Variants in MIA3 observed in about 807,000 individuals in gnomAD.
The protein encoded by MIA3 is transport and Golgi organization protein 1 homolog.
Under a neutral mutation model 192.4 loss-of-function variants are expected in MIA3, and 90 were observed. The observed-to-expected ratio is 0.47, with a 90% CI of 0.39 to 0.56. The LOEUF (loss-of-function observed/expected upper bound fraction) is 0.56, where lower values mean the gene tolerates loss of function less well. Among genes scored for constraint, MIA3 ranks in the 20% least tolerant of loss-of-function variants. The pLI is 0.00. For synonymous variants in MIA3, 740 were observed against 792.8 expected, an observed-to-expected ratio of 0.93 and a Z score of 1.12; for missense variants, 2,123 against 2,269.4, an observed-to-expected ratio of 0.94 and a Z score of 1.31.
intron 6 of MIA3, among the ~76,000 whole-genome samples, chr1:222,633,612 C>T (rs1662501839): frequency 6.6e-6 from 1 of 151,992 alleles, no homozygotes; most frequent in East Asian, 1.9e-4. Flanking sequence ...ATTGGTTCAT[C>T]GTGGAGGGAG....
intron 6 of MIA3, among the ~76,000 whole-genome samples, chr1:222,639,270 C>T (rs1325186854): frequency 1.3e-5 from 2 of 152,070 alleles, no homozygotes; most frequent in African/African-American, 4.8e-5. Flanking sequence ...CAAAGAAAAC[C>T]CAGATGGCTT....
intron 6 of MIA3, among the ~76,000 whole-genome samples, chr1:222,638,696 C>T (rs1378023343): frequency 6.8e-6 from 1 of 147,796 alleles, no homozygotes; most frequent in African/African-American, 2.5e-5. Flanking sequence ...GACCTTGTCT[C>T]AAGAAAAGAA....
In MIA3 at chr1:222,659,744, G is replaced by A. The variant is rs773833971; in HGVS notation, c.4817G>A (p.Arg1606His). The A allele has an allele frequency of 1.9e-5, 30 of 1,613,894 alleles. No homozygotes were observed. The highest frequency in any genetic ancestry group is 1.5e-4 in the African/African-American group (11 of 74,888). Residue 1606 changes from arginine to histidine, a missense_variant, in exon 22 of 28, where the codon CGT (arginine) becomes CAT (histidine). Physicochemically the swap from Arg to His is conservative, Grantham distance 29. Around this residue, in one of 3 missense-constraint regions of MIA3, gnomAD observed 762 missense variants for 856.4 expected, o/e 0.89. Coordinates refer to ENST00000344922, the MANE Select transcript of MIA3 (RefSeq NM_198551.4). ...ATTTTTCTTCAATAGCTCAAAGCTC[G>A]TGCTGCAGAAAGAGCTATAGCTGAA... Reference protein sequence around the residue: ...KKAHENWLKARAAERAIAEEK... With the variant: ...KKAHENWLKAHAAERAIAEEK...
rs562229765 is a variant in MIA3, at chr1:222,625,252, G to A, written c.354+398G>A. Among the ~76,000 whole-genome samples the A allele has an allele frequency of 4.6e-5, 7 of 152,304 alleles. No homozygotes were observed. The South Asian group carries it at 8.3e-4, about 18-fold the overall frequency. ...GATCTCCTGACCTCATGATCCGCCC[G>A]CCTCAGCCTCCCAAAGTGCTGGGAT... On this transcript the variant is annotated intron_variant, in intron 3 of 27. Transcript: ENST00000344922.
In MIA3 at chr1:222,628,988, G is replaced by T; in HGVS notation, c.1768G>T (p.Ala590Ser). 6.2e-7 allele frequency: 1 copy of T among 1,614,192 alleles called. No individual in the cohort carries two copies. Among genetic ancestry groups the T allele is most frequent in the Non-Finnish European group, 8.5e-7 (1 of 1,180,028 alleles). The change falls in exon 4 of 28, where the codon GCA becomes TCA. Residue 590 changes from alanine to serine, a missense_variant. Physicochemically the swap from Ala to Ser is moderately conservative, Grantham distance 99 (BLOSUM62 1). Transcript: ENST00000344922. Reference sequence around the variant, plus strand: ...ACTCATGGGAGATGACCACCCTAACGCATCCAGAGACAGTGTGGAGGGAGA... The same window carrying T: ...ACTCATGGGAGATGACCACCCTAACTCATCCAGAGACAGTGTGGAGGGAGA... ...APLMGDDHPN[A>S]SRDSVEGDAL...
rs1175245515 is a variant in MIA3 at position 222,629,642 on chromosome 1, A to C, written c.2422A>C (p.Thr808Pro). 3.0e-5 allele frequency: 48 copies of C among 1,614,054 alleles called. No homozygotes were observed. Among genetic ancestry groups the C allele is most frequent in the Non-Finnish European group, 4.0e-5 (47 of 1,180,030 alleles). Residue 808 changes from threonine to proline, a missense_variant, in exon 4 of 28, where the codon ACA becomes CCA. By Grantham distance (38) the Thr-to-Pro change is conservative. Coordinates refer to ENST00000344922, the MANE Select transcript of MIA3 (RefSeq NM_198551.4). The stretch of plus-strand genomic sequence containing the variant: ...CAACACAGGAGGCAGGGAACCAAAT[A>C]CAATGGTGGAAAAAGAACGCCCTCT... ...GVNTGGREPNTMVEKERPLAD... is the reference protein window; with the variant it reads ...GVNTGGREPNPMVEKERPLAD...
At chr1:222,662,571 C>T (rs578076608) in intron 26 of MIA3, 21 of 1,076,118 alleles carry the variant, frequency 2.0e-5, no homozygotes, top group Middle Eastern at 3.6e-4. Flanking sequence ...CTATAAGTTG[C>T]ATGGCAATAT....
rs947516671 is a variant in MIA3 at position 222,628,791 on chromosome 1, C to T, written c.1571C>T (p.Thr524Ile). Residue 524 changes from threonine to isoleucine, a missense_variant, in exon 4 of 28, where the codon ACA becomes ATA. Coordinates refer to ENST00000344922, the MANE Select transcript of MIA3 (RefSeq NM_198551.4). ...KDTLKSAYDD[T>I]ENDLKGAAIH... is the part of the protein sequence containing the mutation. ...ACATTAAAATCAGCTTATGATGATA[C>T]AGAAAATGACCTAAAAGGAGCAGCT... The T allele has an allele frequency of 2.5e-6, 4 of 1,613,948 alleles. No individual in the cohort carries two copies. The African/African-American group carries it at 5.3e-5, about 22-fold the overall frequency.
chr1:222,653,430 A>C (rs1663548175), intron 15 of MIA3, 91 bp downstream of exon 15: 1 of 783,110 alleles, frequency 1.3e-6, no homozygotes, highest in Non-Finnish European at 2.1e-6. Context: ...ATTTCCTCTT[A>C]AGCTTTCGAG....
chr1:222,628,429 A>G lies in MIA3; in HGVS notation c.1209A>G (p.Leu403=), dbSNP rs753178502. Residue 403 remains leucine (L), a synonymous_variant, in exon 4 of 28, where the codon TTA becomes TTG. Coordinates refer to ENST00000344922, the MANE Select transcript of MIA3 (RefSeq NM_198551.4). ...AAGAAACAAGAGATACGATGGATTT[A>G]GAGAGCTCTAGTTCAGAGGAAGAAA... The part of the protein sequence containing the change: ...GGEETRDTMD[L]ESSSSEEEKE... The G allele has an allele frequency of 1.2e-6, 2 of 1,613,798 alleles. No individual in the cohort carries two copies. Among genetic ancestry groups the G allele is most frequent in the South Asian group, 1.1e-5 (1 of 90,974 alleles).
Position 222,665,558 on chromosome 1 carries a change from C to G in MIA3, c.5663C>G (p.Pro1888Arg), listed in dbSNP as rs1294568901. The G allele has an allele frequency of 6.2e-7, 1 of 1,614,090 alleles. No individual in the cohort carries two copies. The highest frequency in any genetic ancestry group is 2.2e-5 in the East Asian group (1 of 44,882). Reference sequence around the variant, plus strand: ...CTGCCGTCAGGCTCTAGAGATGAGCCTCCACCTGCCTCTCAGAGCACTAGC... The same window carrying G: ...CTGCCGTCAGGCTCTAGAGATGAGCGTCCACCTGCCTCTCAGAGCACTAGC... ...DLLPSGSRDE[P>R]PPASQSTSQD... is the part of the protein sequence containing the mutation. The change falls in exon 28 of 28, where the codon CCT (proline) becomes CGT (arginine). Residue 1888 changes from proline to arginine, a missense_variant. By Grantham distance (103) the Pro-to-Arg change is moderately radical. Coordinates refer to ENST00000344922, the MANE Select transcript of MIA3 (RefSeq NM_198551.4).
Position 222,644,655 on chromosome 1 carries a change from G to A in MIA3, c.3478-899G>A. The A allele has an allele frequency of 6.1e-6, 9 of 1,485,156 alleles. No homozygotes were observed. The Admixed American group carries it at 1.6e-4, about 26-fold the overall frequency. The allele number at this position is 1,485,156 out of a possible 1,614,324, so 92.0% of individuals were successfully genotyped here. ...CGGGTGGATGAGTTCTAAGCAGAGTGGGTGCACTGATTGTCTGTGCAAAGG... is the reference window on the plus strand; with the variant it reads ...CGGGTGGATGAGTTCTAAGCAGAGTAGGTGCACTGATTGTCTGTGCAAAGG... On this transcript the variant is annotated intron_variant, in intron 6 of 27. Transcript: ENST00000344922.
intron 18 of MIA3, 139 bp from the exon 19 acceptor site, chr1:222,658,583 G>A: frequency 1.6e-6 from 1 of 611,724 alleles, no homozygotes; most frequent in Admixed American, 3.1e-5. Context: ...CTAAAGGACA[G>A]TTTTATTTCC....
intron 6 of MIA3, among the ~76,000 whole-genome samples, chr1:222,635,531 G>GT (rs1558181233): frequency 1.3e-5 from 2 of 152,166 alleles, no homozygotes; most frequent in Non-Finnish European, 2.9e-5. Flanking sequence ...GGTATAAAGT[G>GT]TAATTCTGAC....
At position 222,629,800 on chromosome 1, in the gene MIA3, A is replaced by T. The variant is rs1292287756; in HGVS notation, c.2580A>T (p.Glu860Asp). 5 of 1,613,986 alleles carry T rather than the reference A, an allele frequency of 3.1e-6. No individual in the cohort carries two copies. The South Asian group carries it at 4.4e-5, about 14-fold the overall frequency. The change falls in exon 4 of 28, where the codon GAA becomes GAT. Residue 860 changes from glutamate (E) to aspartate (D), a missense_variant. Coordinates refer to ENST00000344922, the MANE Select transcript of MIA3 (RefSeq NM_198551.4). The stretch of plus-strand genomic sequence containing the variant: ...ATCTGAAGAACGACAACCCTGAGGA[A>T]CATCTGAAGACCTCAGGGCTTGCAG... Reference protein sequence around the residue: ...SDYLKNDNPEEHLKTSGLAGE... With the variant: ...SDYLKNDNPEDHLKTSGLAGE...
chr1:222,665,296 T>C lies in MIA3; in HGVS notation c.5414-13T>C. 6.4e-7 allele frequency: 1 copy of C among 1,565,568 alleles called. No homozygotes were observed. Among genetic ancestry groups the C allele is most frequent in the Non-Finnish European group, 8.6e-7 (1 of 1,157,278 alleles). On this transcript the variant is annotated splice_polypyrimidine_tract_variant and intron_variant, in intron 27 of 27. Transcript: ENST00000344922. ...TTCCTAGGAATTTACTGGAAATAAT[T>C]TTTGTTTTCCAGGCCCTGGTATGCG... is the stretch of plus-strand genomic sequence containing the variant.
In MIA3 at chr1:222,666,577, G is replaced by A. The variant is rs1664297725; in HGVS notation, c.*958G>A. ...CCCATTCCTTGCCACTGATTTTTGA[G>A]GAATATAATAAAAAGATTGGAAGAG... On this transcript the variant is annotated 3_prime_UTR_variant, in exon 28 of 28. Transcript: ENST00000344922. 6.7e-6 allele frequency: 1 copy of A among 149,122 alleles called. No individual in the cohort carries two copies. The highest frequency in any genetic ancestry group is 6.8e-5 in the Admixed American group (1 of 14,628). 9.2% of individuals were successfully genotyped at this position (149,122 alleles called of 1,614,324 possible).
intron 3 of MIA3, among the ~76,000 whole-genome samples, chr1:222,626,819 A>G (rs1662141259): frequency 6.6e-6 from 1 of 152,218 alleles, no homozygotes; most frequent in African/African-American, 2.4e-5. Context: ...GTCCAAGGAA[A>G]ATATGAGCCC....
Position 222,654,645 on chromosome 1 carries a change from T to A in MIA3, c.4469-10T>A. 1.9e-6 allele frequency: 3 copies of A among 1,613,632 alleles called. No homozygotes were observed. The highest frequency in any genetic ancestry group is 2.5e-6 in the Non-Finnish European group (3 of 1,179,830). On this transcript the variant is annotated splice_polypyrimidine_tract_variant and intron_variant, in intron 17 of 27. Coordinates refer to ENST00000344922, the MANE Select transcript of MIA3 (RefSeq NM_198551.4). ...ACACATATGGAACTCAAATGTTTTA[T>A]CCTTTACAGACCAGGTAAAGAAATT...
Sources: allele counts gnomAD v4.1 joint callset (sites outside exome capture counted in the v4.1 genomes callset), GRCh38; gene constraint gnomAD v4.1.1; regional missense constraint gnomAD v4.1.1; transcripts MANE v1.5; gene names NCBI Gene and HGNC (gene_info 2026-07-23, HGNC 2026-07-21).